Variants in BRINP3 observed in about 807,000 individuals in gnomAD.
BRINP3 encodes BMP/retinoic acid inducible neural specific 3.
A neutral mutation model predicts 71.0 loss-of-function variants in BRINP3; 19 were observed. That is an observed-to-expected ratio of 0.27 (90% CI 0.19 to 0.39). BRINP3 has a LOEUF of 0.39. Ranked by LOEUF, BRINP3 falls within the 10% of genes least tolerant of loss-of-function variation. The pLI is 1.00. For missense variants in BRINP3, 959 were observed against 940.8 expected (o/e 1.02, Z -0.25); for synonymous variants, 380 against 337.7 (o/e 1.13, Z -1.37).
At chr1:190,167,933 C>T (rs1651697881) in intron 6 of BRINP3, among the ~76,000 whole-genome samples, 1 of 152,058 alleles carries the variant, frequency 6.6e-6, no homozygotes. Flanking sequence ...TCTCCGAGTG[C>T]TGTATTGGCA....
chr1:190,458,846 T>A (rs1029052120), intron 1 of BRINP3, among the ~76,000 whole-genome samples: 1 of 151,912 alleles, frequency 6.6e-6, no homozygotes, highest in Non-Finnish European at 1.5e-5. Context: ...TTAATATTCA[T>A]AACCAAGAGG....
chr1:190,361,432 C>T lies in BRINP3; in HGVS notation c.237-79682G>A, dbSNP rs1450238886. ...TTTGTTTTTTTGTTTTTGATGAAGT[C>T]TTGCTCTGTCACCAGGCTGGAGTGC... is the stretch of plus-strand genomic sequence containing the variant. On this transcript the variant is annotated intron_variant, in intron 2 of 7. Transcript: ENST00000367462. Among the ~76,000 whole-genome samples the T allele has an allele frequency of 3.9e-5, 6 of 151,912 alleles. No homozygotes were observed. In the East Asian group the frequency reaches 1.2e-3, roughly 29 times the overall value.
chr1:190,341,768 C>G (rs537133120), intron 2 of BRINP3, among the ~76,000 whole-genome samples: 3 of 151,736 alleles, frequency 2.0e-5, no homozygotes, highest in African/African-American at 4.8e-5. Flanking sequence ...AAAACATACA[C>G]AGACACAGAC....
At chr1:190,240,911 G>A (rs1341502454) in intron 4 of BRINP3, among the ~76,000 whole-genome samples, 3 of 139,072 alleles carry the variant, frequency 2.2e-5, no homozygotes, top group Admixed American at 1.5e-4. Context: ...CCACCCTCAA[G>A]GTATTCTCAG....
rs190644382 is a variant in BRINP3 at position 190,276,316 on chromosome 1, C to A, written c.427+5244G>T. On this transcript the variant is annotated intron_variant, in intron 3 of 7. Coordinates refer to ENST00000367462, the MANE Select transcript of BRINP3 (RefSeq NM_199051.3). ...CTAACAGACCAAGTGAAAATGAGAA[C>A]CACAGCAGTTAACCAACTTTGAAAG... Among the ~76,000 whole-genome samples, 57 of 151,326 alleles carry A rather than the reference C, an allele frequency of 3.8e-4. No individual in the cohort carries two copies. In the East Asian group the frequency reaches 9.1e-3, roughly 24 times the overall value.
At chr1:190,185,986 A>G (rs763803944) in intron 6 of BRINP3, among the ~76,000 whole-genome samples, 3 of 152,158 alleles carry the variant, frequency 2.0e-5, no homozygotes, top group South Asian at 4.1e-4. Flanking sequence ...CTCTGATCTG[A>G]CACCATACAT....
intron 2 of BRINP3, among the ~76,000 whole-genome samples, chr1:190,369,099 T>A (rs1669693272): frequency 6.6e-6 from 1 of 152,130 alleles, no homozygotes; most frequent in Non-Finnish European, 1.5e-5. Context: ...AGGACACAGC[T>A]AAACCATATC....
chr1:190,468,184 A>G (rs915714202), intron 1 of BRINP3, among the ~76,000 whole-genome samples: 2 of 151,526 alleles, frequency 1.3e-5, no homozygotes, highest in Middle Eastern at 6.8e-3. Flanking sequence ...TATATCTAAA[A>G]TATAGGAAAG....
chr1:190,333,971 C>T (rs1051654365), intron 2 of BRINP3, among the ~76,000 whole-genome samples: 18 of 151,874 alleles, frequency 1.2e-4, no homozygotes, highest in African/African-American at 4.3e-4. Flanking sequence ...TTCCATAATA[C>T]TTCCAATAAC....
intron 2 of BRINP3, among the ~76,000 whole-genome samples, chr1:190,401,761 C>A (rs112219000): frequency 0.018 from 2,699 of 151,900 alleles, 95 homozygotes; most frequent in African/African-American, 0.062. Flanking sequence ...TTTTATCAAA[C>A]CAAGTGAACC....
Position 190,102,278 on chromosome 1 carries a change from C to A in BRINP3, c.1185-3144G>T, listed in dbSNP as rs529448432. Among the ~76,000 whole-genome samples, 41 of 152,214 alleles carry A rather than the reference C, an allele frequency of 2.7e-4. 1 individual carries two copies. The highest frequency in any genetic ancestry group is 3.4e-3 in the Middle Eastern group (1 of 294). On this transcript the variant is annotated intron_variant, in intron 7 of 7. Transcript: ENST00000367462. ...ATTTTTCACATAGGTGGTTCCCCCACCCAACAAGGTAAAATTTAGTTCCCC... is the reference window on the plus strand; with the variant it reads ...ATTTTTCACATAGGTGGTTCCCCCAACCAACAAGGTAAAATTTAGTTCCCC...
At chr1:190,277,119 T>TATATATATATA (rs1401150849) in intron 3 of BRINP3, among the ~76,000 whole-genome samples, 70 of 26,920 alleles carry the variant, frequency 2.6e-3, no homozygotes, top group South Asian at 6.2e-3. Context: ...ATATATATAT[T>TATATATATATA]TATATTCAGA....
chr1:190,428,879 C>T (rs903285052), intron 2 of BRINP3, among the ~76,000 whole-genome samples: 1 of 151,934 alleles, frequency 6.6e-6, no homozygotes, highest in Non-Finnish European at 1.5e-5. Context: ...TTTTGAAATA[C>T]AATTTAAAGC....
chr1:190,256,217 T>A (rs1279251099), intron 4 of BRINP3, among the ~76,000 whole-genome samples: 1 of 152,182 alleles, frequency 6.6e-6, no homozygotes, highest in African/African-American at 2.4e-5. Flanking sequence ...ATAAGTGCGA[T>A]GTGGTGCTGA....
At chr1:190,116,010 C>A (rs1653104193) in intron 7 of BRINP3, among the ~76,000 whole-genome samples, 1 of 152,000 alleles carries the variant, frequency 6.6e-6, no homozygotes, top group African/African-American at 2.4e-5. Flanking sequence ...TCACTCTATT[C>A]CTATTTTTAT....
chr1:190,101,044 CATGAG>C (rs1469019627), intron 7 of BRINP3, among the ~76,000 whole-genome samples: 3 of 152,070 alleles, frequency 2.0e-5, no homozygotes, highest in Non-Finnish European at 2.9e-5. Context: ...GCTCTTCCAC[CATGAG>C]ATGATGCAGC....
intron 7 of BRINP3, among the ~76,000 whole-genome samples, chr1:190,128,335 A>C (rs1654255577): frequency 1.3e-5 from 2 of 151,834 alleles, no homozygotes; most frequent in African/African-American, 4.8e-5. Context: ...GTAATTACAT[A>C]ACTTCATCAA....
chr1:190,288,179 T>G (rs2102957358), intron 2 of BRINP3, among the ~76,000 whole-genome samples: 1 of 152,078 alleles, frequency 6.6e-6, no homozygotes, highest in South Asian at 2.1e-4. Flanking sequence ...TATATCAACT[T>G]ATCAAAATTA....
chr1:190,465,707 A>G (rs1253330046), intron 1 of BRINP3, among the ~76,000 whole-genome samples: 1 of 151,886 alleles, frequency 6.6e-6, no homozygotes, highest in Non-Finnish European at 1.5e-5. Context: ...TTCAGAGTTG[A>G]GTGAAACAGC....
Sources: gnomAD v4.1 joint callset for allele counts (sites outside exome capture counted in the v4.1 genomes callset) on GRCh38, gnomAD v4.1.1 for gene constraint, MANE v1.5 for transcripts, NCBI Gene and HGNC (gene_info 2026-07-23, HGNC 2026-07-21) for gene names.